KHDRBS1: variants seen among roughly 807,000 people sequenced by gnomAD.
The protein encoded by KHDRBS1 is KH RNA binding domain containing, signal transduction associated 1.
Under a neutral mutation model 48.4 loss-of-function variants are expected in KHDRBS1, and 7 were observed. The ratio of observed to expected loss-of-function variants is 0.14; its 90% CI spans 0.08 to 0.27. The LOEUF (loss-of-function observed/expected upper bound fraction) is 0.27. KHDRBS1 is among the 10% of genes least tolerant of loss of function. The pLI, the probability that KHDRBS1 is intolerant of heterozygous loss-of-function variation, is 1.00. For synonymous variants in KHDRBS1, 241 were observed against 235.8 expected, an observed-to-expected ratio of 1.02 and a Z score of -0.20; for missense variants, 458 against 601.2, an observed-to-expected ratio of 0.76 and a Z score of 2.49.
chr1:32,056,050 A>T (rs148001679), intron 10 of KHDRBS1, among the ~76,000 whole-genome samples: 2 of 152,152 alleles, frequency 1.3e-5, no homozygotes, highest in Non-Finnish European at 2.9e-5. Flanking sequence ...TCTGGAAGGG[A>T]TGTGAATTTC....
At chr1:32,027,037 C>T (rs535787066) in intron 1 of KHDRBS1, among the ~76,000 whole-genome samples, 1 of 152,188 alleles carries the variant, frequency 6.6e-6, no homozygotes, top group East Asian at 1.9e-4. Flanking sequence ...TCAGGTGATC[C>T]GCCCACCTCA....
In KHDRBS1 at chr1:32,013,874, C is replaced by T. The variant is rs765746078; in HGVS notation, c.-122C>T. 7.4e-6 allele frequency: 7 copies of T among 951,090 alleles called. No homozygotes were observed. Among genetic ancestry groups the T allele is most frequent in the Non-Finnish European group, 9.8e-6 (7 of 712,566 alleles). The allele number at this position is 951,090 out of a possible 1,614,324, so 58.9% of individuals were successfully genotyped here. The stretch of plus-strand genomic sequence containing the variant: ...GCCTCATTTCCGGTGCTCTCTCTCG[C>T]TGGGTCGCTCGGGTCGGCTTCGGTC... On this transcript the variant is annotated 5_prime_UTR_variant, in exon 1 of 9. Transcript: ENST00000327300.
chr1:32,057,104 G>C lies in KHDRBS1; in HGVS notation n.1302-3059G>C, dbSNP rs190967559. Among the ~76,000 whole-genome samples the C allele has an allele frequency of 3.1e-3, 478 of 152,286 alleles. 4 individuals are homozygous for C. The highest frequency in any genetic ancestry group is 5.2e-3 in the Non-Finnish European group (356 of 68,018). On this transcript the variant is annotated intron_variant and non_coding_transcript_variant, in intron 10 of 10. Transcript: ENST00000484270. ...GGACTTAGCTAGGCAGAGGGCTTGG[G>C]GAAAGGACATAGAGCAGCACATTAT...
At chr1:32,047,111 C>G (rs896718164), downstream of KHDRBS1, among the ~76,000 whole-genome samples, 1 of 152,168 alleles carries the variant, frequency 6.6e-6, no homozygotes, top group African/African-American at 2.4e-5. Context: ...TAGCTTCGCC[C>G]ATTGATCCAA....
intron 1 of KHDRBS1, among the ~76,000 whole-genome samples, chr1:32,017,630 G>A (rs1423321703): frequency 6.1e-5 from 6 of 98,560 alleles, no homozygotes; most frequent in Non-Finnish European, 9.3e-5. Context: ...TTTTTGAGAC[G>A]GAGTTGCACT....
At chr1:32,017,343 G>A (rs1262295479) in intron 1 of KHDRBS1, among the ~76,000 whole-genome samples, 2 of 151,912 alleles carry the variant, frequency 1.3e-5, no homozygotes, top group African/African-American at 2.4e-5. Flanking sequence ...CAGCTGTGAT[G>A]ACTGTCGAAT....
chr1:32,044,411 G>A (rs551523142), downstream of KHDRBS1, among the ~76,000 whole-genome samples: 8 of 152,312 alleles, frequency 5.3e-5, no homozygotes, highest in South Asian at 6.2e-4. Context: ...GATTTGGCAT[G>A]ATAGGCTGGC....
intron 1 of KHDRBS1, among the ~76,000 whole-genome samples, chr1:32,028,542 G>A (rs1229423168): frequency 7.8e-5 from 10 of 128,850 alleles, no homozygotes; most frequent in African/African-American, 2.7e-4. Context: ...TCGCTCTGTC[G>A]CCCAGGCTGG....
chr1:32,050,339 G>T (rs1639403399), intron 10 of KHDRBS1, among the ~76,000 whole-genome samples: 1 of 152,038 alleles, frequency 6.6e-6, no homozygotes, highest in Admixed American at 6.5e-5. Context: ...CCATTCAGTG[G>T]GTTGTCCTTT....
rs560553293 is a variant in KHDRBS1 at position 32,059,869 on chromosome 1, A to G, written n.1302-294A>G. Reference sequence around the variant, plus strand: ...CTTCAAAGCTTGGATAGGCCCCCCAAAGGTTTTGTTGATTCTTCCCTGGAT... The same window carrying G: ...CTTCAAAGCTTGGATAGGCCCCCCAGAGGTTTTGTTGATTCTTCCCTGGAT... On this transcript the variant is annotated intron_variant and non_coding_transcript_variant, in intron 10 of 10. Coordinates refer to the KHDRBS1 transcript ENST00000484270. Among the ~76,000 whole-genome samples, 99 of 152,254 alleles carry G rather than the reference A, an allele frequency of 6.5e-4. 1 individual carries two copies. Among genetic ancestry groups the G allele is most frequent in the East Asian group, 7.7e-4 (4 of 5,186 alleles).
intron 10 of KHDRBS1, among the ~76,000 whole-genome samples, chr1:32,051,652 A>G (rs1639423306): frequency 6.6e-6 from 1 of 152,100 alleles, no homozygotes. Context: ...TTCCCCCACC[A>G]CAGTTTCCAT....
chr1:32,036,215 A>T (rs987869833), intron 4 of KHDRBS1, among the ~76,000 whole-genome samples: 15 of 119,236 alleles, frequency 1.3e-4, no homozygotes, highest in African/African-American at 4.7e-4. Context: ...TCTTTCGCCC[A>T]GGCCGGACTG....
At chr1:32,023,080 C>A (rs1638894093) in intron 1 of KHDRBS1, among the ~76,000 whole-genome samples, 1 of 151,880 alleles carries the variant, frequency 6.6e-6, no homozygotes, top group African/African-American at 2.4e-5. Flanking sequence ...CTTTTAAAGT[C>A]ATACACCAAG....
At chr1:32,047,771 T>C (rs1639374351), downstream of KHDRBS1, among the ~76,000 whole-genome samples, 1 of 152,216 alleles carries the variant, frequency 6.6e-6, no homozygotes, top group Non-Finnish European at 1.5e-5. Flanking sequence ...AGTATATTTA[T>C]ACTGTGCAAC....
Position 32,039,588 on chromosome 1 carries a change from CTG to C in KHDRBS1, c.1234+18_1234+19del, listed in dbSNP as rs1639245848. On this transcript the variant is annotated intron_variant, in intron 8 of 8. Coordinates refer to ENST00000327300, the MANE Select transcript of KHDRBS1 (RefSeq NM_006559.3). ...TGAAGCTTATGGTATGTCTTTATCT[CTG>C]TGGTGGGGCAGAATGTACAAGTAAG... The C allele has an allele frequency of 7.4e-7, 1 of 1,348,524 alleles. No homozygotes were observed. Among genetic ancestry groups the C allele is most frequent in the Admixed American group, 1.7e-5 (1 of 59,578 alleles). 83.5% of individuals were successfully genotyped at this position (1,348,524 alleles called of 1,614,324 possible).
exon 11 of KHDRBS1, chr1:32,060,756 T>C (rs1486651149): frequency 6.6e-6 from 1 of 152,200 alleles, no homozygotes; most frequent in African/African-American, 2.4e-5. Context: ...AAAAAGGTCA[T>C]AAAGGGTAGG....
intron 10 of KHDRBS1, among the ~76,000 whole-genome samples, chr1:32,058,592 T>C (rs182889888): frequency 9.2e-5 from 14 of 151,702 alleles, no homozygotes; most frequent in African/African-American, 3.4e-4. Context: ...TGCTGATGAG[T>C]GGAGAATGGT....
intron 10 of KHDRBS1, among the ~76,000 whole-genome samples, chr1:32,050,078 A>G (rs1371482887): frequency 6.6e-6 from 1 of 152,158 alleles, no homozygotes; most frequent in Non-Finnish European, 1.5e-5. Flanking sequence ...ACTTTATTAT[A>G]GCTATCTTTA....
intron 8 of KHDRBS1, 47 bp downstream of exon 8, chr1:32,039,620 T>C: frequency 2.1e-6 from 2 of 968,966 alleles, no homozygotes; most frequent in Non-Finnish European, 3.4e-6. Context: ...AGTAAGTGCC[T>C]GGGAGAATGC....
Sources: gnomAD v4.1 joint callset for allele counts (sites outside exome capture counted in the v4.1 genomes callset) on GRCh38, gnomAD v4.1.1 for gene constraint, MANE v1.5 for transcripts, NCBI Gene and HGNC (gene_info 2026-07-23, HGNC 2026-07-21) for gene names.